BRCC3: variants seen among roughly 807,000 people sequenced by gnomAD.
BRCC3 encodes BRCA1/BRCA2-containing complex subunit 3, also known as lys-63-specific deubiquitinase BRCC36.
BRCC3 carries 15 observed loss-of-function variants against 28.0 expected under a neutral mutation model. That is an observed-to-expected ratio of 0.54 (90% CI 0.36 to 0.82). BRCC3 has a LOEUF of 0.82. Ranked by LOEUF, BRCC3 falls within the 40% of genes least tolerant of loss-of-function variation. BRCC3 has a pLI of 0.01. For synonymous variants in BRCC3, 66 were observed against 80.3 expected (o/e 0.82, Z 0.95); for missense variants, 109 against 225.9 (o/e 0.48, Z 3.32).
chrX:155,098,128 T>A (rs782818084), intron 7 of BRCC3, among the ~76,000 whole-genome samples: 12 of 112,396 alleles, frequency 1.1e-4, no homozygotes, highest in Non-Finnish European at 2.3e-4. Context: ...TATTGTTGTA[T>A]TCTAAATTCT....
At chrX:155,083,730 A>G (rs1186858508) in intron 5 of BRCC3, among the ~76,000 whole-genome samples, 1 of 112,700 alleles carries the variant, frequency 8.9e-6, no homozygotes, top group African/African-American at 3.2e-5. Flanking sequence ...GGCTTCTATT[A>G]AAGTGGATCT....
chrX:155,075,797 A>C (rs1443248526), intron 3 of BRCC3, among the ~76,000 whole-genome samples: 2 of 111,778 alleles, frequency 1.8e-5, no homozygotes, highest in African/African-American at 6.5e-5. Flanking sequence ...ATGGCTTGGC[A>C]TTTGAGGTCT....
At chrX:155,099,408 G>T in intron 7 of BRCC3, 1 of 1,204,165 alleles carries the variant, frequency 8.3e-7, no homozygotes, top group South Asian at 1.8e-5. Context: ...GCAAAAAGGG[G>T]CCTGTCCCCC....
Position 155,077,088 on chromosome X carries a change from A to C in BRCC3, c.196-82A>C, listed in dbSNP as rs1242876432. On this transcript the variant is annotated intron_variant, in intron 3 of 10. Coordinates refer to ENST00000330045, the MANE Select transcript of BRCC3 (RefSeq NM_001018055.3). ...AATGGAATATTTTATCTGATATTAT[A>C]ATAAAATGCAATTCTATAGTTGAAG... is the stretch of plus-strand genomic sequence containing the variant. The C allele has an allele frequency of 1.4e-5, 12 of 838,125 alleles. No individual in the cohort carries two copies. The African/African-American group carries it at 2.1e-4, about 15-fold the overall frequency. The allele number at this position is 838,125 out of a possible 1,213,427, so 69.1% of individuals were successfully genotyped here.
intron 5 of BRCC3, among the ~76,000 whole-genome samples, chrX:155,079,426 A>T (rs1318189045): frequency 9.0e-6 from 1 of 111,508 alleles, no homozygotes; most frequent in Non-Finnish European, 1.9e-5. Flanking sequence ...TTGAGTTGAT[A>T]GCAAGTTATA....
At chrX:155,096,874 G>A (rs782611990) in intron 7 of BRCC3, among the ~76,000 whole-genome samples, 2 of 111,998 alleles carry the variant, frequency 1.8e-5, no homozygotes, top group South Asian at 3.7e-4. Flanking sequence ...TCAACTAACC[G>A]TCAACAAAGA....
chrX:155,102,803 T>A (rs1416465538), intron 7 of BRCC3, among the ~76,000 whole-genome samples: 1 of 112,619 alleles, frequency 8.9e-6, no homozygotes, highest in Non-Finnish European at 1.9e-5. Flanking sequence ...ACAGATGTTG[T>A]ATTTTGTCAA....
chrX:155,071,860 T>C (rs1374398877), intron 1 of BRCC3, among the ~76,000 whole-genome samples: 4 of 112,015 alleles, frequency 3.6e-5, no homozygotes, highest in Admixed American at 9.4e-5. Flanking sequence ...CGGCGGTCTG[T>C]ACAGGCCCCG....
Position 155,075,315 on chromosome X carries a change from CACACTAAATG to C in BRCC3, c.196-1854_196-1845del, listed in dbSNP as rs1569560431. On this transcript the variant is annotated intron_variant, in intron 3 of 10. Transcript: ENST00000330045. ...TCCCCTGGCCCTTCTTGTTCTTCCC[CACACTAAATG>C]TGGCCACTCCCCTTGATTCAGGCCA... Among the ~76,000 whole-genome samples, 170 of 53,016 alleles carry C rather than the reference CACACTAAATG, an allele frequency of 3.2e-3. 1 individual carries two copies. In the African/African-American group the frequency reaches 0.054, roughly 17 times the overall value. The allele number at this position is 53,016 out of a possible 115,157, so 46.0% of individuals were successfully genotyped here.
chrX:155,091,849 T>A (rs1557295722), intron 7 of BRCC3, among the ~76,000 whole-genome samples: 1 of 109,597 alleles, frequency 9.1e-6, no homozygotes, highest in Non-Finnish European at 1.9e-5. Flanking sequence ...CTCCAAGATA[T>A]TTTGTTAAAT....
intron 5 of BRCC3, among the ~76,000 whole-genome samples, chrX:155,085,877 C>T (rs1435456399): frequency 9.0e-6 from 1 of 111,457 alleles, no homozygotes; most frequent in Non-Finnish European, 1.9e-5. Context: ...GCCTGGTTCC[C>T]CCAGGACTGC....
chrX:155,089,479 G>A (rs2074160544), intron 6 of BRCC3, 128 bp downstream of exon 6: 6 of 417,048 alleles, frequency 1.4e-5, no homozygotes. Flanking sequence ...AAGGAAAAGG[G>A]TCATTGAGTC....
chrX:155,083,769 G>A (rs1196887436), intron 5 of BRCC3, among the ~76,000 whole-genome samples: 1 of 112,510 alleles, frequency 8.9e-6, no homozygotes, highest in Non-Finnish European at 1.9e-5. Flanking sequence ...TATCCATGTT[G>A]AAAATCTAGT....
intron 5 of BRCC3, among the ~76,000 whole-genome samples, chrX:155,088,536 A>G (rs2074151339): frequency 1.8e-5 from 2 of 110,028 alleles, no homozygotes; most frequent in Non-Finnish European, 3.8e-5. Context: ...AATTTTTAGT[A>G]GAGAAGGGGT....
chrX:155,108,266 C>A (rs1229164278), intron 7 of BRCC3, among the ~76,000 whole-genome samples: 3 of 111,851 alleles, frequency 2.7e-5, no homozygotes, highest in Non-Finnish European at 5.7e-5. Context: ...TATGGTAGTT[C>A]TTTTTTATTG....
Position 155,107,271 on chromosome X carries a change from G to C in BRCC3, c.549-8786G>C, listed in dbSNP as rs145677499. Among the ~76,000 whole-genome samples the C allele has an allele frequency of 5.0e-3, 548 of 110,267 alleles. 2 individuals carry two copies. Among genetic ancestry groups the C allele is most frequent in the Non-Finnish European group, 8.1e-3 (427 of 52,605 alleles). ...TGCTTAAGGCTGTGAATTTTCCACT[G>C]ATCTTTGCTTTAAATATATCCCATA... On this transcript the variant is annotated intron_variant, in intron 7 of 10. Coordinates refer to ENST00000330045, the MANE Select transcript of BRCC3 (RefSeq NM_001018055.3).
Position 155,080,769 on chromosome X carries a change from G to A in BRCC3, c.403+2066G>A, listed in dbSNP as rs182398531. 6.2e-5 allele frequency among the ~76,000 whole-genome samples: 7 copies of A among 112,075 alleles called. No individual in the cohort carries two copies. The East Asian group carries it at 2.0e-3, about 31-fold the overall frequency. On this transcript the variant is annotated intron_variant, in intron 5 of 10. Coordinates refer to ENST00000330045, the MANE Select transcript of BRCC3 (RefSeq NM_001018055.3). ...AATATTTTAACTTGTCTATGCCTCTGTAGTTTCCTCTCTGTCAGAAAAGAA... is the reference window on the plus strand; with the variant it reads ...AATATTTTAACTTGTCTATGCCTCTATAGTTTCCTCTCTGTCAGAAAAGAA...
rs782612061 is a variant in BRCC3, at chrX:155,077,133, G to C, written c.196-37G>C. 4.4e-6 allele frequency: 5 copies of C among 1,125,712 alleles called. No individual in the cohort carries two copies. In the African/African-American group the frequency reaches 7.3e-5, roughly 16 times the overall value. The allele number at this position is 1,125,712 out of a possible 1,213,427, so 92.8% of individuals were successfully genotyped here. A position where few individuals can be genotyped will look rare whatever the true frequency, so the allele number is the denominator to read the frequency against. The stretch of plus-strand genomic sequence containing the variant: ...TTGAAGGGGGATGTGTTATTGGAGA[G>C]AGCTGTAAGTAACCATTTCTGTGGA... On this transcript the variant is annotated intron_variant, in intron 3 of 10. Coordinates refer to ENST00000330045, the MANE Select transcript of BRCC3 (RefSeq NM_001018055.3).
chrX:155,117,326 G>A (rs184041804), intron 9 of BRCC3, among the ~76,000 whole-genome samples: 396 of 111,776 alleles, frequency 3.5e-3, no homozygotes, highest in African/African-American at 0.012. Context: ...AGTAATTTTT[G>A]TACAAGGCAA....
Sources: gnomAD v4.1 joint callset for allele counts (sites outside exome capture counted in the v4.1 genomes callset) on GRCh38, gnomAD v4.1.1 for gene constraint, MANE v1.5 for transcripts, NCBI Gene and HGNC (gene_info 2026-07-23, HGNC 2026-07-21) for gene names.